WDR44: variants seen among roughly 807,000 people sequenced by gnomAD.
The protein encoded by WDR44 is WD repeat-containing protein 44.
WDR44 carries 9 observed loss-of-function variants against 65.7 expected under a neutral mutation model. The observed-to-expected ratio is 0.14, with a 90% CI of 0.08 to 0.24. WDR44 has a LOEUF of 0.24. Among genes scored for constraint, WDR44 ranks in the 10% least tolerant of loss-of-function variants. The probability of loss-of-function intolerance (pLI) is 1.00; values close to 1 mark genes in which losing one functional copy is unlikely to be tolerated. For synonymous variants in WDR44, 220 were observed against 235.2 expected (o/e 0.94, Z 0.59); for missense variants, 425 against 670.9 (o/e 0.63, Z 4.05).
At chrX:118,439,722 G>C (rs1050509454) in intron 14 of WDR44, among the ~76,000 whole-genome samples, 1 of 110,812 alleles carries the variant, frequency 9.0e-6, no homozygotes, top group Non-Finnish European at 1.9e-5. Context: ...TTTGTAGATT[G>C]TCTTTGACAG....
rs763400217 is a variant in WDR44 at position 118,404,458 on chromosome X, G to A, written c.1381+14G>A. The stretch of plus-strand genomic sequence containing the variant: ...TTAGAGATGAAGGTGAGTTAAAACA[G>A]AACATTTCAACTAAACATTCAATTA... On this transcript the variant is annotated intron_variant, in intron 9 of 19. Coordinates refer to ENST00000254029, the MANE Select transcript of WDR44 (RefSeq NM_019045.5). 5.5e-6 allele frequency: 6 copies of A among 1,096,155 alleles called. No homozygotes were observed. Among genetic ancestry groups the A allele is most frequent in the Non-Finnish European group, 6.2e-6 (5 of 807,465 alleles). The allele number at this position is 1,096,155 out of a possible 1,213,427, so 90.3% of individuals were successfully genotyped here. A position where few individuals can be genotyped will look rare whatever the true frequency, so the allele number is the denominator to read the frequency against.
chrX:118,402,294 G>A (rs2056924317), intron 8 of WDR44, among the ~76,000 whole-genome samples: 2 of 107,515 alleles, frequency 1.9e-5, no homozygotes, highest in Admixed American at 2.0e-4. Context: ...AATTAGCTGG[G>A]CATGGTGGTG....
intron 1 of WDR44, among the ~76,000 whole-genome samples, chrX:118,361,033 C>T (rs1471492665): frequency 9.0e-6 from 1 of 111,503 alleles, no homozygotes; most frequent in Non-Finnish European, 1.9e-5. Flanking sequence ...AAAAGTGAGT[C>T]TTCCTACTGA....
intron 1 of WDR44, among the ~76,000 whole-genome samples, chrX:118,374,781 C>T (rs2147682385): frequency 8.9e-6 from 1 of 111,810 alleles, no homozygotes; most frequent in South Asian, 3.7e-4. Flanking sequence ...GAAGAGACTA[C>T]ACTATCATGT....
chrX:118,398,216 G>A (rs772151504), intron 7 of WDR44, among the ~76,000 whole-genome samples, 171 bp from the exon 8 acceptor site: 3 of 112,080 alleles, frequency 2.7e-5, no homozygotes, highest in East Asian at 2.8e-4. Context: ...CAGCTTGGGC[G>A]ACAGAGCAAG....
intron 1 of WDR44, among the ~76,000 whole-genome samples, chrX:118,369,679 A>G (rs1014655658): frequency 1.8e-5 from 2 of 109,009 alleles, no homozygotes; most frequent in Non-Finnish European, 1.9e-5. Flanking sequence ...CGTGTTAGCC[A>G]GGATGGTCTC....
chrX:118,434,013 G>C (rs2057233372), intron 13 of WDR44, among the ~76,000 whole-genome samples: 1 of 112,038 alleles, frequency 8.9e-6, no homozygotes, highest in African/African-American at 3.2e-5. Context: ...GGGAGTTTAG[G>C]TTCAAACCCT....
At chrX:118,428,983 A>G (rs181480298) in intron 12 of WDR44, among the ~76,000 whole-genome samples, 3 of 110,871 alleles carry the variant, frequency 2.7e-5, no homozygotes, top group East Asian at 2.9e-4. Flanking sequence ...GTTATCACTT[A>G]TAAGTAGGAG....
chrX:118,428,111 A>G (rs2057174557), intron 12 of WDR44, among the ~76,000 whole-genome samples: 1 of 109,509 alleles, frequency 9.1e-6, no homozygotes, highest in Non-Finnish European at 1.9e-5. Flanking sequence ...AACATGGTGA[A>G]ATCCCATCTC....
intron 12 of WDR44, among the ~76,000 whole-genome samples, chrX:118,415,793 C>T (rs982045620): frequency 1.8e-5 from 2 of 112,123 alleles, no homozygotes; most frequent in Admixed American, 9.4e-5. Flanking sequence ...CATGAGCCAT[C>T]GTGCCCAGCC....
chrX:118,361,366 A>T (rs2056510355), intron 1 of WDR44, among the ~76,000 whole-genome samples: 1 of 112,066 alleles, frequency 8.9e-6, no homozygotes, highest in Admixed American at 9.5e-5. Context: ...GGATCTGTCT[A>T]TAGCTAATGA....
intron 10 of WDR44, among the ~76,000 whole-genome samples, chrX:118,407,422 AC>A (rs770738921): frequency 2.2e-4 from 24 of 107,887 alleles, no homozygotes; most frequent in Admixed American, 6.1e-4. Context: ...AATTGCTTGA[AC>A]CCAGGAGGCA....
chrX:118,406,391 C>T (rs1047966313), intron 9 of WDR44, among the ~76,000 whole-genome samples: 1 of 110,685 alleles, frequency 9.0e-6, no homozygotes, highest in Non-Finnish European at 1.9e-5. Flanking sequence ...CATAGTGAGA[C>T]CCCTGTTTGT....
At chrX:118,373,576 T>G (rs1455705737) in intron 1 of WDR44, among the ~76,000 whole-genome samples, 1 of 111,848 alleles carries the variant, frequency 8.9e-6, no homozygotes, top group African/African-American at 3.3e-5. Context: ...TTTAGTCCAA[T>G]TCAAGAAGCA....
intron 1 of WDR44, among the ~76,000 whole-genome samples, chrX:118,362,950 A>G (rs772803605): frequency 9.2e-6 from 1 of 108,384 alleles, no homozygotes; most frequent in Non-Finnish European, 1.9e-5. Context: ...GCAGGAGACT[A>G]GTAGATATAG....
chrX:118,354,806 C>T (rs1181736498), intron 1 of WDR44, among the ~76,000 whole-genome samples: 1 of 111,757 alleles, frequency 8.9e-6, no homozygotes, highest in East Asian at 2.8e-4. Flanking sequence ...TATTCCAGTA[C>T]AAAACTCATT....
intron 12 of WDR44, among the ~76,000 whole-genome samples, chrX:118,424,891 A>T (rs2057142601): frequency 8.9e-6 from 1 of 112,104 alleles, no homozygotes; most frequent in Admixed American, 9.5e-5. Flanking sequence ...ATGATGTAAT[A>T]TAAGAGTCCA....
rs755587014 is a variant in WDR44 at position 118,389,884 on chromosome X, T to TTTTA, written c.186+2490_186+2493dup. Among the ~76,000 whole-genome samples, 321 of 107,920 alleles carry TTTTA rather than the reference T, an allele frequency of 3.0e-3. 1 individual carries two copies. The highest frequency in any genetic ancestry group is 0.01 in the African/African-American group (300 of 29,652). 93.7% of individuals were successfully genotyped at this position (107,920 alleles called of 115,157 possible). A position where few individuals can be genotyped will look rare whatever the true frequency, so the allele number is the denominator to read the frequency against. ...CTTATGTCATACTAAACTGTCTGCTTTTTATTTATTTATTTATTTATTTTT... is the reference window on the plus strand; with the variant it reads ...CTTATGTCATACTAAACTGTCTGCTTTTTATTTATTTATTTATTTATTTATTTTT... On this transcript the variant is annotated intron_variant, in intron 3 of 19. Coordinates refer to ENST00000254029, the MANE Select transcript of WDR44 (RefSeq NM_019045.5).
intron 1 of WDR44, among the ~76,000 whole-genome samples, chrX:118,369,322 C>T (rs1266867904): frequency 9.3e-6 from 1 of 107,142 alleles, no homozygotes; most frequent in Non-Finnish European, 1.9e-5. Context: ...TAGGCACCCG[C>T]CACCATGCCC....
Sources: allele counts gnomAD v4.1 joint callset (sites outside exome capture counted in the v4.1 genomes callset), GRCh38; gene constraint gnomAD v4.1.1; transcripts MANE v1.5; gene names NCBI Gene and HGNC (gene_info 2026-07-23, HGNC 2026-07-21).